MAP3K1: variants seen among roughly 807,000 people sequenced by gnomAD.
MAP3K1 encodes mitogen-activated protein kinase kinase kinase 1, also known as MAP/ERK kinase kinase 1.
A neutral mutation model predicts 144.2 loss-of-function variants in MAP3K1; 36 were observed. That is an observed-to-expected ratio of 0.25 (90% CI 0.19 to 0.33). The LOEUF (loss-of-function observed/expected upper bound fraction) is 0.33, where lower values mean the gene tolerates loss of function less well. Among genes scored for constraint, MAP3K1 ranks in the 10% least tolerant of loss-of-function variants. MAP3K1 has a pLI of 1.00. For missense variants in MAP3K1, 1,650 were observed against 1,881.9 expected (o/e 0.88, Z 2.28); for synonymous variants, 718 against 688.7 (o/e 1.04, Z -0.67).
intron 1 of MAP3K1, among the ~76,000 whole-genome samples, chr5:56,822,162 T>C (rs1746174918): frequency 6.6e-6 from 1 of 152,148 alleles, no homozygotes; most frequent in African/African-American, 2.4e-5. Context: ...TTGCTGGGAT[T>C]ACAGGCATGC....
At position 56,893,417 on chromosome 5, in the gene MAP3K1, T is replaced by G; in HGVS notation, c.4390-114T>G. On this transcript the variant is annotated intron_variant, in intron 19 of 19. Transcript: ENST00000399503. The stretch of plus-strand genomic sequence containing the variant: ...AGCAGAAAATCCTCCCACTTCTGCT[T>G]CAGTTCCTCTCTGTTCAGGATGTAA... The G allele has an allele frequency of 1.8e-6, 2 of 1,123,282 alleles. 1 individual carries two copies. Among genetic ancestry groups the G allele is most frequent in the South Asian group, 2.6e-5 (2 of 77,784 alleles). 69.6% of individuals were successfully genotyped at this position (1,123,282 alleles called of 1,614,324 possible).
At chr5:56,872,597 A>T in intron 7 of MAP3K1, 44 bp from the exon 8 acceptor site, 1 of 1,099,356 alleles carries the variant, frequency 9.1e-7, no homozygotes, top group Non-Finnish European at 1.4e-6. Context: ...AAATAATGTT[A>T]AACATTTACA....
At chr5:56,818,826 A>C (rs1581201991) in intron 1 of MAP3K1, among the ~76,000 whole-genome samples, 1 of 152,170 alleles carries the variant, frequency 6.6e-6, no homozygotes, top group Non-Finnish European at 1.5e-5. Context: ...TGTTAATGTT[A>C]GTTTTTGTTT....
At chr5:56,830,354 T>C (rs904152054) in intron 1 of MAP3K1, among the ~76,000 whole-genome samples, 4 of 152,202 alleles carry the variant, frequency 2.6e-5, no homozygotes, top group African/African-American at 9.7e-5. Flanking sequence ...AAATTTTTTT[T>C]CCCCAAGTTC....
At chr5:56,817,055 C>T in intron 1 of MAP3K1, 4 of 985,356 alleles carry the variant, frequency 4.1e-6, no homozygotes, top group Non-Finnish European at 4.8e-6. Context: ...CCAGGGGCCG[C>T]AGTGCGGTGG....
At chr5:56,846,979 A>G (rs1410949028) in intron 1 of MAP3K1, among the ~76,000 whole-genome samples, 84 of 149,814 alleles carry the variant, frequency 5.6e-4, no homozygotes, top group Non-Finnish European at 8.9e-5. Flanking sequence ...GTAGTTTTTA[A>G]TGGAATCTGC....
intron 7 of MAP3K1, 80 bp downstream of exon 7, chr5:56,872,111 G>A: frequency 6.4e-7 from 1 of 1,562,518 alleles, no homozygotes; most frequent in Non-Finnish European, 8.8e-7. Context: ...AGTGTAACAT[G>A]GCTTGAGGGG....
chr5:56,882,586 A>C lies in MAP3K1; in HGVS notation c.3386A>C (p.Asn1129Thr). The change falls in exon 14 of 20, where the codon AAC (asparagine) becomes ACC (threonine). Residue 1129 changes from asparagine to threonine, a missense_variant. Asn to Thr is a moderately conservative substitution (Grantham distance 65). Transcript: ENST00000399503. ...KCRLDVNTELNSSIEDLLEAS... is the reference protein window; with the variant it reads ...KCRLDVNTELTSSIEDLLEAS... ...AGATTAGATGTCAATACAGAGCTCA[A>C]CTCCAGTATTGAGGACCTTCTTGAA... 6.2e-7 allele frequency: 1 copy of C among 1,614,058 alleles called. No individual in the cohort carries two copies. Among genetic ancestry groups the C allele is most frequent in the Non-Finnish European group, 8.5e-7 (1 of 1,180,006 alleles).
At chr5:56,887,889 T>C in intron 18 of MAP3K1, 1 of 435,628 alleles carries the variant, frequency 2.3e-6, no homozygotes, top group East Asian at 4.8e-5. Context: ...GTGGAAGGAG[T>C]TTAAGCATTG....
intron 2 of MAP3K1, 126 bp downstream of exon 2, chr5:56,856,876 T>C: frequency 9.9e-7 from 1 of 1,011,418 alleles, no homozygotes; most frequent in Non-Finnish European, 1.5e-6. Flanking sequence ...CTTTACTTGA[T>C]ATTGTGGTCA....
chr5:56,842,732 G>A (rs1746851492), intron 1 of MAP3K1, among the ~76,000 whole-genome samples: 1 of 152,092 alleles, frequency 6.6e-6, no homozygotes, highest in African/African-American at 2.4e-5. Flanking sequence ...ATAATGGGAG[G>A]AACTCTAAGA....
chr5:56,833,168 C>A (rs1239023645), intron 1 of MAP3K1, among the ~76,000 whole-genome samples: 1 of 152,156 alleles, frequency 6.6e-6, no homozygotes, highest in Non-Finnish European at 1.5e-5. Context: ...CCATGCTCTG[C>A]CATGATTTTT....
chr5:56,841,279 G>A (rs1043922699), intron 1 of MAP3K1, among the ~76,000 whole-genome samples: 3 of 151,136 alleles, frequency 2.0e-5, no homozygotes, highest in Non-Finnish European at 4.4e-5. Flanking sequence ...CTACTTTCTC[G>A]AATGTTCTGC....
At chr5:56,883,054 A>G (rs1748276161) in intron 14 of MAP3K1, among the ~76,000 whole-genome samples, 188 bp downstream of exon 14, 1 of 152,138 alleles carries the variant, frequency 6.6e-6, no homozygotes, top group African/African-American at 2.4e-5. Context: ...GCCAGGCATG[A>G]TAGTGTACAC....
rs946455256 is a variant in MAP3K1 at position 56,817,542 on chromosome 5, C to A, written c.482+1487C>A. Among the ~76,000 whole-genome samples the A allele has an allele frequency of 2.6e-5, 4 of 152,172 alleles. No individual in the cohort carries two copies. The South Asian group carries it at 8.3e-4, about 32-fold the overall frequency. ...CACTGTACCATGGCACTACTGAGAC[C>A]AAAGGAGATTTGTGACTGATACAGT... On this transcript the variant is annotated intron_variant, in intron 1 of 19. Transcript: ENST00000399503.
intron 11 of MAP3K1, 111 bp downstream of exon 11, chr5:56,879,212 A>G: frequency 3.7e-6 from 5 of 1,339,296 alleles, no homozygotes; most frequent in Non-Finnish European, 5.4e-6. Context: ...GAGTCTTTGA[A>G]CATTGTCTTT....
intron 1 of MAP3K1, among the ~76,000 whole-genome samples, chr5:56,823,759 T>C (rs1746224719): frequency 6.6e-6 from 1 of 152,192 alleles, no homozygotes; most frequent in Non-Finnish European, 1.5e-5. Flanking sequence ...GCCTGGTGGC[T>C]CGAGTGAAAT....
In MAP3K1 at chr5:56,881,865, G is replaced by C. The variant is rs56228802; in HGVS notation, c.2665G>C (p.Val889Leu). The C allele has an allele frequency of 1.4e-4, 232 of 1,614,094 alleles. 1 individual carries two copies. The East Asian group carries it at 5.0e-3, about 35-fold the overall frequency. Residue 889 changes from valine to leucine, a missense_variant, in exon 14 of 20, where the codon GTT (valine) becomes CTT (leucine). Physicochemically the swap from Val to Leu is conservative, Grantham distance 32 (BLOSUM62 1). Around this residue, in one of 6 missense-constraint regions of MAP3K1, gnomAD observed 841 missense variants for 886.5 expected, o/e 0.95. Transcript: ENST00000399503. ...GQQDSFLQAS[V>L]PNNYLETTEN... ...ACAGGACAGCTTCTTGCAGGCATCT[G>C]TTCCCAACAACTATCTGGAAACCAC...
chr5:56,865,356 G>T lies in MAP3K1; in HGVS notation c.1052G>T (p.Arg351Leu), dbSNP rs765046318. 1 of 1,604,422 alleles carries T rather than the reference G, an allele frequency of 6.2e-7. No individual in the cohort carries two copies. Among genetic ancestry groups the T allele is most frequent in the South Asian group, 1.1e-5 (1 of 90,890 alleles). The change falls in exon 5 of 20, where the codon CGT becomes CTT. Residue 351 changes from arginine (R) to leucine (L), a missense_variant. Physicochemically the swap from Arg to Leu is moderately radical, Grantham distance 102. Around this residue, in one of 6 missense-constraint regions of MAP3K1, gnomAD observed 125 missense variants for 179.9 expected, o/e 0.69. Transcript: ENST00000399503. Reference sequence around the variant, plus strand: ...ACTCTTTAGAACTGCAGCTGTGCACGTGGAACATTCTGTATTCATCTGCTA... The same window carrying T: ...ACTCTTTAGAACTGCAGCTGTGCACTTGGAACATTCTGTATTCATCTGCTA... ...FIGPQNCSCA[R>L]GTFCIHLLFV...
Sources: gnomAD v4.1 joint callset for allele counts (sites outside exome capture counted in the v4.1 genomes callset) on GRCh38, gnomAD v4.1.1 for gene constraint, gnomAD v4.1.1 regional missense constraint, MANE v1.5 for transcripts, NCBI Gene and HGNC (gene_info 2026-07-23, HGNC 2026-07-21) for gene names.